MUC5AC: variants seen among roughly 807,000 people sequenced by gnomAD.
MUC5AC encodes the protein mucin-5AC.
A neutral mutation model predicts 169.7 loss-of-function variants in MUC5AC; 158 were observed. That is an observed-to-expected ratio of 0.93 (90% CI 0.82 to 1.06). The LOEUF is 1.06. Among genes scored for constraint, MUC5AC ranks in the 50% least tolerant of loss-of-function variants. MUC5AC has a pLI of 0.00. For missense variants in MUC5AC, 4,359 were observed against 3,089.9 expected, an observed-to-expected ratio of 1.41 and a Z score of -9.74; for synonymous variants, 1,975 against 1,237.0, an observed-to-expected ratio of 1.60 and a Z score of -12.52.
In MUC5AC at chr11:1,195,956, AC is replaced by A. The variant is rs1322293173; in HGVS notation, c.15541del (p.Leu5181TrpfsTer80). The A allele has an allele frequency of 1.3e-6, 1 of 764,522 alleles. No homozygotes were observed. Among genetic ancestry groups the A allele is most frequent in the Non-Finnish European group, 2.4e-6 (1 of 417,560 alleles). The allele number at this position is 764,522 out of a possible 1,614,324, so 47.4% of individuals were successfully genotyped here. On this transcript the variant is annotated frameshift_variant, in exon 37 of 49. Coordinates refer to ENST00000621226, the MANE Select transcript of MUC5AC (RefSeq NM_001304359.2). LOFTEE classifies it high-confidence loss of function. ...GCVFDRCHMT[D>X]LDVVCSSLEL... ...GTCTTTGACCGGTGCCACATGACGG[AC>A]CTGGATGTGGTGTGCTCCAGCCTGG...
rs1300093449 is a variant in MUC5AC at position 1,176,183 on chromosome 11, C to T, written c.2434C>T (p.Arg812Ter). Residue 812 changes from arginine to a stop codon, truncating the protein, a stop_gained, in exon 20 of 49, where the codon CGA becomes TGA. Coordinates refer to ENST00000621226, the MANE Select transcript of MUC5AC (RefSeq NM_001304359.2). LOFTEE classifies it high-confidence loss of function. ...TGCGCCCATGGTGTTCTTTGACTGC[C>T]GAAATGCCACGCCCGGGGACACAGG... ...CAAPMVFFDC[R>*]NATPGDTGAG... 1.5e-5 allele frequency: 6 copies of T among 398,572 alleles called. No individual in the cohort carries two copies. The highest frequency in any genetic ancestry group is 6.2e-5 in the African/African-American group (3 of 48,624). 24.7% of individuals were successfully genotyped at this position (398,572 alleles called of 1,614,324 possible).
At chr11:1,163,710 G>A (rs1037646223) in intron 6 of MUC5AC, among the ~76,000 whole-genome samples, 172 bp from the exon 7 acceptor site, 4 of 152,084 alleles carry the variant, frequency 2.6e-5, no homozygotes, top group South Asian at 2.1e-4. Flanking sequence ...GCATGCATGG[G>A]GTGGCCAAGC....
rs1228763674 is a variant in MUC5AC at position 1,180,573 on chromosome 11, C to G, written c.3776+57C>G. 10 of 398,726 alleles carry G rather than the reference C, an allele frequency of 2.5e-5. 1 individual carries two copies. In the South Asian group the frequency reaches 8.9e-4, roughly 36 times the overall value. 24.7% of individuals were successfully genotyped at this position (398,726 alleles called of 1,614,324 possible). On this transcript the variant is annotated intron_variant, in intron 28 of 48. Coordinates refer to ENST00000621226, the MANE Select transcript of MUC5AC (RefSeq NM_001304359.2). ...TGCAGCATGCAGGGGAATTTGACCACGGCCTGGGCTTTGGGTGGGGCTGGG... is the reference window on the plus strand; with the variant it reads ...TGCAGCATGCAGGGGAATTTGACCAGGGCCTGGGCTTTGGGTGGGGCTGGG...
At chr11:1,163,565 G>A (rs1860208872) in intron 6 of MUC5AC, among the ~76,000 whole-genome samples, 1 of 152,186 alleles carries the variant, frequency 6.6e-6, no homozygotes, top group African/African-American at 2.4e-5. Flanking sequence ...AGGTGTTCAG[G>A]CTCCAGCCAG....
At chr11:1,198,345 C>T (rs376629803) in intron 43 of MUC5AC, 40 bp downstream of exon 43, 46 of 726,060 alleles carry the variant, frequency 6.3e-5, no homozygotes, top group African/African-American at 4.5e-4. Context: ...GCCATAGGGA[C>T]GGAGCTTCCC....
rs1860960786 is a variant in MUC5AC at position 1,186,838 on chromosome 11, C to CAAGCACAACCTCTGCCCCTACAACCAGCA, written c.8693_8694insAAGCACAACCTCTGCCCCTACAACCAGCA (p.Arg2899SerfsTer134). On this transcript the variant is annotated frameshift_variant, in exon 31 of 49. Coordinates refer to ENST00000621226, the MANE Select transcript of MUC5AC (RefSeq NM_001304359.2). LOFTEE classifies it high-confidence loss of function. ...ACCAGTACAACCTCTGCTCCTACAA[C>CAAGCACAACCTCTGCCCCTACAACCAGCA]CAGAACAACCTCTGCTCCTACAACC... 1.4e-6 allele frequency: 1 copy of CAAGCACAACCTCTGCCCCTACAACCAGCA among 709,924 alleles called. No homozygotes were observed. The allele number at this position is 709,924 out of a possible 1,614,324, so 44.0% of individuals were successfully genotyped here.
In MUC5AC at chr11:1,195,897, T is replaced by G. The variant is rs115701498; in HGVS notation, c.15480T>G (p.Thr5160=). The part of the protein sequence containing the change: ...ILSKVFEPCH[T]VIPPLLFYEG... ...ACAGGGTCTTTGAGCCGTGCCACAC[T>G]GTGATCCCCCCACTGCTGTTCTATG... Residue 5160 remains threonine (T), a synonymous_variant, in exon 37 of 49, where the codon ACT becomes ACG. Coordinates refer to ENST00000621226, the MANE Select transcript of MUC5AC (RefSeq NM_001304359.2). 1.7e-3 allele frequency: 1,202 copies of G among 696,242 alleles called. 17 individuals carry two copies. The African/African-American group carries it at 0.018, about 11-fold the overall frequency. 43.1% of individuals were successfully genotyped at this position (696,242 alleles called of 1,614,324 possible).
chr11:1,172,238 C>T (rs1443443257), intron 15 of MUC5AC, among the ~76,000 whole-genome samples, 191 bp from the exon 16 acceptor site: 1 of 152,192 alleles, frequency 6.6e-6, no homozygotes, highest in Non-Finnish European at 1.5e-5. Context: ...GATGTTGTAC[C>T]CTGCGTTTGG....
chr11:1,161,876 G>C (rs574825390), intron 3 of MUC5AC, 31 bp from the exon 4 acceptor site: 1 of 1,599,828 alleles, frequency 6.3e-7, no homozygotes, highest in Non-Finnish European at 8.5e-7. Flanking sequence ...TGAGGGCGAC[G>C]CCCCCAAACA....
Position 1,189,187 on chromosome 11 carries a change from C to A in MUC5AC, c.11042C>A (p.Thr3681Asn), listed in dbSNP as rs1225088715. Residue 3681 changes from threonine to asparagine, a missense_variant, in exon 31 of 49, where the codon ACC becomes AAC. Thr to Asn is a moderately conservative substitution (Grantham distance 65, BLOSUM62 0). Coordinates refer to ENST00000621226, the MANE Select transcript of MUC5AC (RefSeq NM_001304359.2). ...STTSAPTTSTTPASIPSTTSA... is the reference protein window; with the variant it reads ...STTSAPTTSTNPASIPSTTSA... The stretch of plus-strand genomic sequence containing the variant: ...ACCTCTGCCCCTACAACTAGCACAA[C>A]CCCTGCTTCTATACCCAGCACAACC... The A allele has an allele frequency of 3.3e-6, 2 of 598,020 alleles. No homozygotes were observed. The highest frequency in any genetic ancestry group is 3.7e-5 in the African/African-American group (2 of 53,988). 37.0% of individuals were successfully genotyped at this position (598,020 alleles called of 1,614,324 possible).
rs1860069253 is a variant in MUC5AC at position 1,159,564 on chromosome 11, TGTGCGGGGCTGTGC to T, written c.74-1046_74-1033del. ...GGGGCTGTGCGGGGCTGTGCGGGGC[TGTGCGGGGCTGTGC>T]GGGGCTGTGCGGGGCTGTGCGGGGC... is the stretch of plus-strand genomic sequence containing the variant. On this transcript the variant is annotated intron_variant, in intron 1 of 48. Transcript: ENST00000621226. Among the ~76,000 whole-genome samples the T allele has an allele frequency of 3.0e-4, 4 of 13,200 alleles. 1 individual carries two copies. The highest frequency in any genetic ancestry group is 4.2e-4 in the African/African-American group (2 of 4,742). 8.7% of individuals were successfully genotyped at this position (13,200 alleles called of 152,430 possible). A position where few individuals can be genotyped will look rare whatever the true frequency, so the allele number is the denominator to read the frequency against.
rs1297716172 is a variant in MUC5AC at position 1,168,862 on chromosome 11, G to C, written c.1706G>C (p.Gly569Ala). The change falls in exon 15 of 49, where the codon GGT (glycine) becomes GCT (alanine). Residue 569 changes from glycine to alanine, a missense_variant and splice_region_variant. By Grantham distance (60) the Gly-to-Ala change is moderately conservative. Coordinates refer to ENST00000621226, the MANE Select transcript of MUC5AC (RefSeq NM_001304359.2). The part of the protein sequence containing the change: ...LAPKLRGQTC[G>A]LCGNFNSIQA... ...CTCAACCTGCCTAACCCGCCCCCAG[G>C]TCTCTGTGGGAACTTCAACAGCATC... 17 of 1,591,738 alleles carry C rather than the reference G, an allele frequency of 1.1e-5. No individual in the cohort carries two copies. Among genetic ancestry groups the C allele is most frequent in the Non-Finnish European group, 1.5e-5 (17 of 1,167,450 alleles).
At chr11:1,177,765 G>C (rs907456937) in intron 24 of MUC5AC, 132 bp downstream of exon 24, 8 of 393,766 alleles carry the variant, frequency 2.0e-5, no homozygotes, top group Admixed American at 8.9e-5. Flanking sequence ...GGTGGGAAGT[G>C]GGGGGGACGG....
rs753796499 is a variant in MUC5AC at position 1,198,851 on chromosome 11, T to C, written c.16174-23T>C. 8.6e-5 allele frequency: 62 copies of C among 716,932 alleles called. 1 individual carries two copies. Among genetic ancestry groups the C allele is most frequent in the Admixed American group, 8.5e-4 (44 of 51,832 alleles). 44.4% of individuals were successfully genotyped at this position (716,932 alleles called of 1,614,324 possible). On this transcript the variant is annotated intron_variant, in intron 43 of 48. Coordinates refer to ENST00000621226, the MANE Select transcript of MUC5AC (RefSeq NM_001304359.2). ...TCCCCAGGGCCCAAGCTCATGAGTG[T>C]CTGCTGCCCTGGCTCTCCCCAGCCC...
rs1474196365 is a variant in MUC5AC at position 1,175,612 on chromosome 11, T to C, written c.2401+342T>C. Reference sequence around the variant, plus strand: ...TCATGCACACGCATTCACACCCTCATGCACACGCACTCACACCCACTTATG... The same window carrying C: ...TCATGCACACGCATTCACACCCTCACGCACACGCACTCACACCCACTTATG... On this transcript the variant is annotated intron_variant, in intron 19 of 48. Coordinates refer to ENST00000621226, the MANE Select transcript of MUC5AC (RefSeq NM_001304359.2). Among the ~76,000 whole-genome samples the C allele has an allele frequency of 3.0e-5, 4 of 131,714 alleles. No individual in the cohort carries two copies. In the East Asian group the frequency reaches 1.0e-3, roughly 33 times the overall value. The allele number at this position is 131,714 out of a possible 152,430, so 86.4% of individuals were successfully genotyped here. A position where few individuals can be genotyped will look rare whatever the true frequency, so the allele number is the denominator to read the frequency against.
Position 1,195,862 on chromosome 11 carries a change from CATCCCT to C in MUC5AC, c.15459-13_15459-8del. ...GAGAGGCTGCACCCAGCACCCTGCC[CATCCCT>C]CCCACAGGGTCTTTGAGCCGTGCCA... On this transcript the variant is annotated splice_region_variant and splice_polypyrimidine_tract_variant and intron_variant, in intron 36 of 48. Transcript: ENST00000621226. 1 of 759,458 alleles carries C rather than the reference CATCCCT, an allele frequency of 1.3e-6. No homozygotes were observed. The highest frequency in any genetic ancestry group is 2.4e-6 in the Non-Finnish European group (1 of 414,180). 47.0% of individuals were successfully genotyped at this position (759,458 alleles called of 1,614,324 possible).
In MUC5AC at chr11:1,192,214, G is replaced by A. The variant is rs778107015; in HGVS notation, c.14069G>A (p.Gly4690Asp). ...SHPEVNIEHL[G>D]QVVQCSREEG... ...CCGGAGGTGAACATTGAACACCTGG[G>A]TCAGGTGGTGCAGTGCAGCCGTGAA... The change falls in exon 31 of 49, where the codon GGT becomes GAT. Residue 4690 changes from glycine (G) to aspartate (D), a missense_variant. By Grantham distance (94) the Gly-to-Asp change is moderately conservative (BLOSUM62 -1). Transcript: ENST00000621226. 8 of 765,008 alleles carry A rather than the reference G, an allele frequency of 1.0e-5. No individual in the cohort carries two copies. The African/African-American group carries it at 1.2e-4, about 11-fold the overall frequency. 47.4% of individuals were successfully genotyped at this position (765,008 alleles called of 1,614,324 possible).
chr11:1,194,178 A>T lies in MUC5AC; in HGVS notation c.14824A>T (p.Asn4942Tyr), dbSNP rs778608181. The change falls in exon 34 of 49, where the codon AAC becomes TAC. Residue 4942 changes from asparagine (N) to tyrosine (Y), a missense_variant. Coordinates refer to ENST00000621226, the MANE Select transcript of MUC5AC (RefSeq NM_001304359.2). ...FDGTYYTFLD[N>Y]CTYVLVQQIV... is the part of the protein sequence containing the mutation. ...CGGCACCTACTACACCTTCCTGGAC[A>T]ACTGCACGTACGTGCTGGTGCAGCA... The T allele has an allele frequency of 2.6e-6, 2 of 765,070 alleles. No individual in the cohort carries two copies. The highest frequency in any genetic ancestry group is 4.8e-6 in the Non-Finnish European group (2 of 417,868). 47.4% of individuals were successfully genotyped at this position (765,070 alleles called of 1,614,324 possible).
At chr11:1,175,531 G>C (rs1347077939) in intron 19 of MUC5AC, among the ~76,000 whole-genome samples, 1 of 141,016 alleles carries the variant, frequency 7.1e-6, no homozygotes, top group Non-Finnish European at 1.5e-5. Flanking sequence ...GCCCACTCAT[G>C]CACACACACC....
Sources: gnomAD v4.1 joint callset for allele counts (sites outside exome capture counted in the v4.1 genomes callset) on GRCh38, gnomAD v4.1.1 for gene constraint, MANE v1.5 for transcripts, NCBI Gene and HGNC (gene_info 2026-07-23, HGNC 2026-07-21) for gene names.